Variants in TBC1D16 observed in about 807,000 individuals in gnomAD.
TBC1D16 encodes the protein TBC1 domain family member 16, also known as CTD-2529O21.1.
In TBC1D16, 58 loss-of-function variants were observed where a neutral mutation model predicts 74.7. That is an observed-to-expected ratio of 0.78 (90% CI 0.63 to 0.97). The LOEUF is 0.97. TBC1D16 is among the 50% of genes least tolerant of loss of function. The pLI is 0.00. For missense variants in TBC1D16, 1,014 were observed against 1,079.5 expected (o/e 0.94, Z 0.85); for synonymous variants, 493 against 474.7 (o/e 1.04, Z -0.50).
chr17:79,949,517 C>G (rs2032858247), intron 7 of TBC1D16, among the ~76,000 whole-genome samples, 200 bp downstream of exon 7: 1 of 152,258 alleles, frequency 6.6e-6, no homozygotes, highest in Non-Finnish European at 1.5e-5. Context: ...ACGAGCCCCG[C>G]AGCTCCGAGG....
intron 3 of TBC1D16, among the ~76,000 whole-genome samples, chr17:79,969,041 T>C (rs1013588998): frequency 6.6e-5 from 10 of 152,092 alleles, no homozygotes; most frequent in Non-Finnish European, 1.5e-4. Context: ...AATGAAGATA[T>C]AAATGGCCAA....
In TBC1D16 at chr17:80,001,344, G is replaced by A. The variant is rs899263750; in HGVS notation, c.779+8816C>T. On this transcript the variant is annotated intron_variant, in intron 3 of 11. Coordinates refer to ENST00000310924, the MANE Select transcript of TBC1D16 (RefSeq NM_019020.4). The surrounding 1 kb of genome is among the most constrained non-coding windows in gnomAD (Gnocchi z 5.8). The stretch of plus-strand genomic sequence containing the variant: ...GAAACAAGACGAGATTAGTCTGAAC[G>A]ACACACAGAACAGATTGCAGGGTGT... 6.6e-6 allele frequency among the ~76,000 whole-genome samples: 1 copy of A among 152,218 alleles called. No individual in the cohort carries two copies. The highest frequency in any genetic ancestry group is 2.4e-5 in the African/African-American group (1 of 41,460).
intron 1 of TBC1D16, among the ~76,000 whole-genome samples, chr17:80,019,126 C>T (rs2036198076): frequency 6.7e-6 from 1 of 150,170 alleles, no homozygotes; most frequent in Non-Finnish European, 1.5e-5. Flanking sequence ...AGCTGCTTCC[C>T]CAAATCAAAA....
rs1202677493 is a variant in TBC1D16, at chr17:79,987,473, C to G, written c.779+22687G>C. Among the ~76,000 whole-genome samples, 3 of 152,028 alleles carry G rather than the reference C, an allele frequency of 2.0e-5. No individual in the cohort carries two copies. The East Asian group carries it at 5.8e-4, about 29-fold the overall frequency. On this transcript the variant is annotated intron_variant, in intron 3 of 11. Coordinates refer to ENST00000310924, the MANE Select transcript of TBC1D16 (RefSeq NM_019020.4). This position sits in a 1 kb window ranked among gnomAD's most constrained non-coding sequence, Gnocchi z 5.2. ...TGTTGTCCAGGCTGATCTTGAACTCCTGGGCTCAAGCGCTCCTCCTGCCTC... is the reference window on the plus strand; with the variant it reads ...TGTTGTCCAGGCTGATCTTGAACTCGTGGGCTCAAGCGCTCCTCCTGCCTC...
intron 1 of TBC1D16, among the ~76,000 whole-genome samples, chr17:80,018,178 CAAAAA>C (rs535459874): frequency 1.2e-5 from 1 of 86,112 alleles, no homozygotes; most frequent in African/African-American, 4.5e-5. Flanking sequence ...TTCTGGTAAG[CAAAAA>C]AAAAAAAAAA....
At chr17:79,999,778 A>G (rs2035416003) in intron 3 of TBC1D16, among the ~76,000 whole-genome samples, 1 of 152,004 alleles carries the variant, frequency 6.6e-6, no homozygotes, top group Non-Finnish European at 1.5e-5. Flanking sequence ...TCCTGACCTC[A>G]GGTGATCCGC....
chr17:80,022,878 G>A lies in TBC1D16; in HGVS notation c.-62-9269C>T, dbSNP rs1407224259. ...TCAAACTCCTGACCTCAGGTGATCC[G>A]CCCGCCTCAACCTCCCAAAGTGCTG... On this transcript the variant is annotated intron_variant, in intron 1 of 11. Coordinates refer to ENST00000310924, the MANE Select transcript of TBC1D16 (RefSeq NM_019020.4). Among the ~76,000 whole-genome samples, 7 of 147,304 alleles carry A rather than the reference G, an allele frequency of 4.8e-5. No individual in the cohort carries two copies. In the East Asian group the frequency reaches 6.0e-4, roughly 13 times the overall value.
chr17:80,023,847 A>G (rs2036381294), intron 1 of TBC1D16: 1 of 150,274 alleles, frequency 6.7e-6, no homozygotes, highest in Non-Finnish European at 1.5e-5. Context: ...TTCAGGGTCC[A>G]AAATCCACCT....
rs2034648379 is a variant in TBC1D16 at position 79,983,006 on chromosome 17, G to A, written c.779+27154C>T. ...CTGAACCTGCGTCATCCACGTTTGT[G>A]CGGAATCCCTGTGTGTGTGCACACG... On this transcript the variant is annotated intron_variant, in intron 3 of 11. Coordinates refer to ENST00000310924, the MANE Select transcript of TBC1D16 (RefSeq NM_019020.4). The surrounding 1 kb of genome is among the most constrained non-coding windows in gnomAD (Gnocchi z 5.6). Among the ~76,000 whole-genome samples the A allele has an allele frequency of 6.6e-6, 1 of 152,230 alleles. No individual in the cohort carries two copies. Among genetic ancestry groups the A allele is most frequent in the African/African-American group, 2.4e-5 (1 of 41,460 alleles).
In TBC1D16 at chr17:79,956,054, A is replaced by G. The variant is rs1028981504; in HGVS notation, c.780-3236T>C. ...ACAGTGCAGGCAAGACAGACAGACG[A>G]GAGCTCATGAGAGAGACACGCAACT... On this transcript the variant is annotated intron_variant, in intron 3 of 11. Transcript: ENST00000310924. The surrounding 1 kb of genome is among the most constrained non-coding windows in gnomAD (Gnocchi z 4.0). Among the ~76,000 whole-genome samples, 1 of 152,146 alleles carries G rather than the reference A, an allele frequency of 6.6e-6. No individual in the cohort carries two copies. Among genetic ancestry groups the G allele is most frequent in the Non-Finnish European group, 1.5e-5 (1 of 68,026 alleles).
chr17:79,978,466 G>A (rs1015370614), intron 3 of TBC1D16, among the ~76,000 whole-genome samples: 2 of 152,258 alleles, frequency 1.3e-5, no homozygotes, highest in Middle Eastern at 3.4e-3. Context: ...CGGGGTGGGG[G>A]CCGTGGCGGG....
In TBC1D16 at chr17:79,940,657, TG is replaced by T; in HGVS notation, c.*201del. ...AGCGTTTCAGGAGCTGACTTTCCTC[TG>T]GGTGGCTGTAGATCTGACTTCTGTC... is the stretch of plus-strand genomic sequence containing the variant. On this transcript the variant is annotated 3_prime_UTR_variant, in exon 12 of 12. Transcript: ENST00000310924. The surrounding 1 kb of genome is among the most constrained non-coding windows in gnomAD (Gnocchi z 5.4). 1 of 569,026 alleles carries T rather than the reference TG, an allele frequency of 1.8e-6. No individual in the cohort carries two copies. Among genetic ancestry groups the T allele is most frequent in the Non-Finnish European group, 2.7e-6 (1 of 369,694 alleles). 35.2% of individuals were successfully genotyped at this position (569,026 alleles called of 1,614,324 possible). A position where few individuals can be genotyped will look rare whatever the true frequency, so the allele number is the denominator to read the frequency against.
chr17:79,958,778 C>T (rs1598349321), intron 3 of TBC1D16, among the ~76,000 whole-genome samples: 1 of 152,176 alleles, frequency 6.6e-6, no homozygotes, highest in Admixed American at 6.5e-5. Flanking sequence ...GATATTCCAC[C>T]GTTAGCGTCA....
At position 80,007,485 on chromosome 17, in the gene TBC1D16, C is replaced by T. The variant is rs1321462162; in HGVS notation, c.779+2675G>A. 6.6e-6 allele frequency among the ~76,000 whole-genome samples: 1 copy of T among 152,210 alleles called. No individual in the cohort carries two copies. The highest frequency in any genetic ancestry group is 1.9e-4 in the East Asian group (1 of 5,182). On this transcript the variant is annotated intron_variant, in intron 3 of 11. Transcript: ENST00000310924. This position sits in a 1 kb window ranked among gnomAD's most constrained non-coding sequence, Gnocchi z 4.5. Reference sequence around the variant, plus strand: ...ATCTGTCGGACCCCAAAATTTACTCCTTCACCACCATCTGCCTCCCAGCAG... The same window carrying T: ...ATCTGTCGGACCCCAAAATTTACTCTTTCACCACCATCTGCCTCCCAGCAG...
chr17:80,029,141 T>C (rs1157951984), intron 1 of TBC1D16, among the ~76,000 whole-genome samples: 1 of 152,136 alleles, frequency 6.6e-6, no homozygotes, highest in African/African-American at 2.4e-5. Context: ...TTGAGAAGCA[T>C]GGAGTCGCAG....
Position 79,948,939 on chromosome 17 carries a change from C to A in TBC1D16, c.1474G>T (p.Val492Leu). The A allele has an allele frequency of 1.2e-6, 2 of 1,614,160 alleles. No homozygotes were observed. Among genetic ancestry groups the A allele is most frequent in the Middle Eastern group, 1.6e-4 (1 of 6,062 alleles). Residue 492 changes from valine to leucine, a missense_variant, in exon 8 of 12, where the codon GTG (valine) becomes TTG (leucine). Transcript: ENST00000310924. ...RNVQFTVDKDVVRTDRNNQFF... is the reference protein window; with the variant it reads ...RNVQFTVDKDLVRTDRNNQFF... ...TGGTTGTTCCGATCTGTCCGGACCA[C>A]GTCTTTGTCCACAGTGAACTGCACA...
At position 79,978,993 on chromosome 17, in the gene TBC1D16, G is replaced by A. The variant is rs568978457; in HGVS notation, c.780-26175C>T. 1.7e-4 allele frequency among the ~76,000 whole-genome samples: 26 copies of A among 152,354 alleles called. No individual in the cohort carries two copies. The East Asian group carries it at 4.2e-3, about 25-fold the overall frequency. ...AATACACATTACTGGGAAGAAAACA[G>A]CCAAGAGATTTTTCTGAACCCAAAA... On this transcript the variant is annotated intron_variant, in intron 3 of 11. Transcript: ENST00000310924.
At chr17:80,022,570 C>T (rs991937475) in intron 1 of TBC1D16, among the ~76,000 whole-genome samples, 1 of 149,488 alleles carries the variant, frequency 6.7e-6, no homozygotes, top group African/African-American at 2.6e-5. Context: ...AACTCCTGCC[C>T]TCAGGTGATC....
chr17:79,970,251 G>A (rs2034023849), intron 3 of TBC1D16, among the ~76,000 whole-genome samples: 1 of 152,192 alleles, frequency 6.6e-6, no homozygotes, highest in African/African-American at 2.4e-5. Flanking sequence ...GAGACAGACA[G>A]CAGGTTAGTG....
Sources: gnomAD v4.1 joint callset for allele counts (sites outside exome capture counted in the v4.1 genomes callset) on GRCh38, gnomAD v4.1.1 for gene constraint, Gnocchi (gnomAD v3.1) non-coding constraint, MANE v1.5 for transcripts, NCBI Gene and HGNC (gene_info 2026-07-23, HGNC 2026-07-21) for gene names.